NTN1: variants seen among roughly 807,000 people sequenced by gnomAD.
The protein encoded by NTN1 is netrin 1.
Under a neutral mutation model 54.2 loss-of-function variants are expected in NTN1, and 11 were observed. That is an observed-to-expected ratio of 0.20 (90% CI 0.13 to 0.34). NTN1 has a LOEUF of 0.34. Among genes scored for constraint, NTN1 ranks in the 10% least tolerant of loss-of-function variants. NTN1 has a pLI of 1.00. For synonymous variants in NTN1, 371 were observed against 382.0 expected (o/e 0.97, Z 0.33); for missense variants, 740 against 893.1 (o/e 0.83, Z 2.18).
chr17:9,070,094 G>A (rs1319188664), intron 2 of NTN1, among the ~76,000 whole-genome samples: 3 of 152,172 alleles, frequency 2.0e-5, no homozygotes, highest in African/African-American at 7.2e-5. Context: ...GTTGGACCCT[G>A]TACCACACTG....
the NTN1 span, among the ~76,000 whole-genome samples, chr17:9,008,694 CT>C: frequency 1.3e-5 from 2 of 152,184 alleles, no homozygotes; most frequent in Admixed American, 1.3e-4. Context: ...TGGTTTTTTA[CT>C]CAATACTCCT....
At chr17:9,210,993 C>T (rs1027043254) in intron 5 of NTN1, among the ~76,000 whole-genome samples, 1 of 148,180 alleles carries the variant, frequency 6.7e-6, no homozygotes, top group African/African-American at 2.5e-5. Context: ...GAATTGTATC[C>T]TCATTGCAGT....
intron 2 of NTN1, among the ~76,000 whole-genome samples, chr17:9,158,979 G>T (rs540451212): frequency 8.1e-4 from 124 of 152,270 alleles, no homozygotes; most frequent in African/African-American, 2.9e-3. Context: ...TAAATGAAAT[G>T]ACTAATGGGT....
chr17:9,040,297 A>C (rs2091917240), intron 2 of NTN1, among the ~76,000 whole-genome samples: 1 of 152,140 alleles, frequency 6.6e-6, no homozygotes, highest in African/African-American at 2.4e-5. Context: ...AAGGTTCATA[A>C]ATTTCTTTAT....
intron 5 of NTN1, among the ~76,000 whole-genome samples, chr17:9,201,354 A>C (rs541972663): frequency 1.3e-5 from 2 of 152,250 alleles, no homozygotes; most frequent in South Asian, 4.1e-4. Context: ...GTGTGGCTCA[A>C]GGTTTTGGTG....
At chr17:9,072,565 T>TG (rs1278009687) in intron 2 of NTN1, among the ~76,000 whole-genome samples, 1 of 152,144 alleles carries the variant, frequency 6.6e-6, no homozygotes, top group Non-Finnish European at 1.5e-5. Context: ...GGAGTAGCTT[T>TG]GCGTGCCCGC....
intron 2 of NTN1, among the ~76,000 whole-genome samples, chr17:9,056,730 C>T (rs943236241): frequency 2.6e-5 from 4 of 152,102 alleles, no homozygotes; most frequent in South Asian, 2.1e-4. Flanking sequence ...TCACTGGAAA[C>T]GTGCCCTGGA....
intron 2 of NTN1, among the ~76,000 whole-genome samples, chr17:9,143,380 G>A (rs1472619461): frequency 6.6e-6 from 1 of 152,194 alleles, no homozygotes; most frequent in Non-Finnish European, 1.5e-5. Flanking sequence ...GCTCACGGGG[G>A]TGCATTTTGC....
intron 2 of NTN1, among the ~76,000 whole-genome samples, chr17:9,106,005 C>T (rs2092164938): frequency 6.6e-6 from 1 of 152,172 alleles, no homozygotes; most frequent in Admixed American, 6.5e-5. Context: ...CATGGCCCCC[C>T]AACCAGCAGC....
At chr17:9,042,586 A>C (rs1420509025) in intron 2 of NTN1, among the ~76,000 whole-genome samples, 1 of 152,038 alleles carries the variant, frequency 6.6e-6, no homozygotes, top group African/African-American at 2.4e-5. Flanking sequence ...CAGGAATTCA[A>C]GACCAGCCTG....
Position 9,162,923 on chromosome 17 carries a change from G to A in NTN1, c.1129G>A (p.Gly377Ser), listed in dbSNP as rs1325419572. 2 of 1,612,548 alleles carry A rather than the reference G, an allele frequency of 1.2e-6. No individual in the cohort carries two copies. The highest frequency in any genetic ancestry group is 1.7e-6 in the Non-Finnish European group (2 of 1,179,648). Residue 377 changes from glycine to serine, a missense_variant, in exon 3 of 7, where the codon GGC (glycine) becomes AGC (serine). Gly to Ser is a moderately conservative substitution (Grantham distance 56). Transcript: ENST00000173229. ...VCLNCRHNTA[G>S]RHCHYCKEGY... Reference sequence around the variant, plus strand: ...CCTCAACTGTCGCCACAACACCGCCGGCCGCCACTGCCATTACTGCAAGGA... The same window carrying A: ...CCTCAACTGTCGCCACAACACCGCCAGCCGCCACTGCCATTACTGCAAGGA...
chr17:9,238,576 G>A (rs950588173), intron 6 of NTN1, among the ~76,000 whole-genome samples: 1 of 152,148 alleles, frequency 6.6e-6, no homozygotes, highest in African/African-American at 2.4e-5. Flanking sequence ...GACCTGAGAT[G>A]CACCAACCAA....
intron 5 of NTN1, among the ~76,000 whole-genome samples, chr17:9,193,593 C>G (rs898912581): frequency 1.9e-4 from 29 of 152,162 alleles, no homozygotes; most frequent in African/African-American, 6.3e-4. Context: ...CCCCAAATGT[C>G]TCCTCACAGC....
At chr17:9,180,101 C>T (rs377124154) in intron 4 of NTN1, 145 bp downstream of exon 4, 34 of 835,400 alleles carry the variant, frequency 4.1e-5, no homozygotes, top group East Asian at 1.8e-4. Flanking sequence ...TGCAGTGGCA[C>T]GATCTCAGCT....
intron 2 of NTN1, among the ~76,000 whole-genome samples, chr17:9,023,700 C>G (rs931379153): frequency 1.3e-5 from 2 of 152,258 alleles, no homozygotes; most frequent in East Asian, 1.9e-4. Flanking sequence ...CGCAAACATT[C>G]ATTGCCTTCC....
chr17:9,201,420 A>G (rs552761394), intron 5 of NTN1, among the ~76,000 whole-genome samples: 38 of 152,314 alleles, frequency 2.5e-4, no homozygotes, highest in South Asian at 1.4e-3. Flanking sequence ...CAGGGCTACC[A>G]TAAGGCCTGA....
In NTN1 at chr17:9,134,730, G is replaced by A. The variant is rs1238230663; in HGVS notation, c.1019-28083G>A. Among the ~76,000 whole-genome samples, 3 of 152,190 alleles carry A rather than the reference G, an allele frequency of 2.0e-5. No homozygotes were observed. The East Asian group carries it at 5.8e-4, about 29-fold the overall frequency. On this transcript the variant is annotated intron_variant, in intron 2 of 6. Transcript: ENST00000173229. ...ATTGCCCTGTGGGACCCTTCTAGGT[G>A]CGAAGTGAACATGCAGAGACAGTCA...
chr17:9,230,347 G>A (rs543316318), intron 6 of NTN1, among the ~76,000 whole-genome samples: 4 of 152,278 alleles, frequency 2.6e-5, no homozygotes, highest in African/African-American at 9.6e-5. Flanking sequence ...ACAGGACGCA[G>A]ACCAGCCAGC....
intron 2 of NTN1, among the ~76,000 whole-genome samples, chr17:9,055,433 C>T (rs1467541727): frequency 6.6e-6 from 1 of 152,178 alleles, no homozygotes; most frequent in Non-Finnish European, 1.5e-5. Context: ...TGAGAACTAA[C>T]ATCAGGTAGT....
Sources: allele counts gnomAD v4.1 joint callset (sites outside exome capture counted in the v4.1 genomes callset), GRCh38; gene constraint gnomAD v4.1.1; transcripts MANE v1.5; gene names NCBI Gene and HGNC (gene_info 2026-07-23, HGNC 2026-07-21).